The following PIK3C3 variants were observed in gnomAD, a reference collection of about 807,000 sequenced individuals.
The protein encoded by PIK3C3 is phosphatidylinositol 3-kinase catalytic subunit type 3, also known as PI3-kinase type 3.
A neutral mutation model predicts 126.1 loss-of-function variants in PIK3C3; 95 were observed. The ratio of observed to expected loss-of-function variants is 0.75; its 90% CI spans 0.64 to 0.89. The LOEUF is 0.89. Among genes scored for constraint, PIK3C3 ranks in the 40% least tolerant of loss-of-function variants. The pLI is 0.00. For synonymous variants in PIK3C3, 374 were observed against 360.0 expected (o/e 1.04, Z -0.44); for missense variants, 829 against 1,063.2 (o/e 0.78, Z 3.06).
rs1185331367 is a variant in PIK3C3, at chr18:41,987,828, G to A, written c.548G>A (p.Arg183Gln). Residue 183 changes from arginine to glutamine, a missense_variant, in exon 5 of 25, where the codon CGA becomes CAA. By Grantham distance (43) the Arg-to-Gln change is conservative. Transcript: ENST00000262039. Reference protein sequence around the residue: ...SRLAKLTKAHRQGHMVKVDWL... With the variant: ...SRLAKLTKAHQQGHMVKVDWL... Reference sequence around the variant, plus strand: ...ATTCTGCAGCTCACCAAAGCTCATCGACAAGGACACATGGTGAAAGTAGAT... The same window carrying A: ...ATTCTGCAGCTCACCAAAGCTCATCAACAAGGACACATGGTGAAAGTAGAT... 4.4e-6 allele frequency: 7 copies of A among 1,606,530 alleles called. No homozygotes were observed. The highest frequency in any genetic ancestry group is 1.3e-5 in the African/African-American group (1 of 74,634).
chr18:41,957,389 A>G (rs1979834709), intron 1 of PIK3C3, among the ~76,000 whole-genome samples, 181 bp from the exon 2 acceptor site: 1 of 152,228 alleles, frequency 6.6e-6, no homozygotes, highest in Non-Finnish European at 1.5e-5. Flanking sequence ...TAAAAATGAC[A>G]TTAATTTCAT....
intron 21 of PIK3C3, chr18:42,050,171 A>G (rs905947294): frequency 6.6e-6 from 1 of 152,254 alleles, no homozygotes; most frequent in Non-Finnish European, 1.5e-5. Flanking sequence ...TGGAAAGCCA[A>G]TAATGGATAC....
rs1986331924 is a variant in PIK3C3, at chr18:42,083,830, G to A, written c.*2693G>A. ...GGATTTGAAGTCGAGTTAGACCCCA[G>A]TGATCACAGTCTTGACGATTAAATT... On this transcript the variant is annotated 3_prime_UTR_variant, in exon 25 of 25. Transcript: ENST00000262039. The A allele has an allele frequency of 6.6e-6, 1 of 152,188 alleles. No individual in the cohort carries two copies. The highest frequency in any genetic ancestry group is 2.1e-4 in the South Asian group (1 of 4,836). 9.4% of individuals were successfully genotyped at this position (152,188 alleles called of 1,614,324 possible). A position where few individuals can be genotyped will look rare whatever the true frequency, so the allele number is the denominator to read the frequency against.
intron 6 of PIK3C3, among the ~76,000 whole-genome samples, 176 bp from the exon 7 acceptor site, chr18:41,993,094 G>A (rs1981857291): frequency 6.6e-6 from 1 of 152,046 alleles, no homozygotes; most frequent in African/African-American, 2.4e-5. Flanking sequence ...AATCAACCAA[G>A]GAGAGGTACA....
chr18:42,032,990 A>G (rs1200060827), intron 15 of PIK3C3, among the ~76,000 whole-genome samples: 1 of 152,134 alleles, frequency 6.6e-6, no homozygotes, highest in Non-Finnish European at 1.5e-5. Flanking sequence ...AGCAGCACAA[A>G]GCACTTCAAC....
intron 13 of PIK3C3, 106 bp downstream of exon 13, chr18:42,020,811 A>C (rs1598902793): frequency 1.5e-6 from 1 of 663,852 alleles, no homozygotes; most frequent in East Asian, 2.8e-5. Flanking sequence ...AGCAATCATC[A>C]AAAGTCTAGA....
chr18:41,965,048 A>G (rs1048456125), intron 3 of PIK3C3, among the ~76,000 whole-genome samples: 1 of 152,238 alleles, frequency 6.6e-6, no homozygotes, highest in African/African-American at 2.4e-5. Flanking sequence ...CAGAATGGAC[A>G]TATTGCTAAA....
chr18:42,036,027 A>C (rs1449320106), intron 16 of PIK3C3, among the ~76,000 whole-genome samples: 2 of 152,206 alleles, frequency 1.3e-5, no homozygotes, highest in African/African-American at 2.4e-5. Context: ...AAGAAATCAC[A>C]ACAAAGATTC....
chr18:41,965,285 T>C (rs1980299623), intron 3 of PIK3C3, among the ~76,000 whole-genome samples: 1 of 152,230 alleles, frequency 6.6e-6, no homozygotes, highest in African/African-American at 2.4e-5. Flanking sequence ...CCTGCGTTAG[T>C]ACTCATGCAT....
rs201418439 is a variant in PIK3C3, at chr18:42,029,385, C to T, written c.1651C>T (p.Arg551Trp). 2.1e-5 allele frequency: 34 copies of T among 1,613,490 alleles called. No individual in the cohort carries two copies. Among genetic ancestry groups the T allele is most frequent in the Admixed American group, 5.0e-5 (3 of 59,978 alleles). The part of the protein sequence containing the change: ...LLAAQQTFVD[R>W]LVHLMKAVQR... ...GGCTGCACAACAGACATTTGTAGAT[C>T]GGTTGGTGCATCTAATGAAGGCAGT... is the stretch of plus-strand genomic sequence containing the variant. The change falls in exon 15 of 25, where the codon CGG becomes TGG. Residue 551 changes from arginine (R) to tryptophan (W), a missense_variant. Physicochemically the swap from Arg to Trp is moderately radical, Grantham distance 101 (BLOSUM62 -3). This residue lies in a region of PIK3C3 where 256 missense variants were observed against 291.0 expected (regional missense o/e 0.88). Coordinates refer to ENST00000262039, the MANE Select transcript of PIK3C3 (RefSeq NM_002647.4).
In PIK3C3 at chr18:42,049,526, T is replaced by C. The variant is rs1459342103; in HGVS notation, c.2189-5T>C. On this transcript the variant is annotated splice_region_variant and splice_polypyrimidine_tract_variant and intron_variant, in intron 20 of 24. Coordinates refer to ENST00000262039, the MANE Select transcript of PIK3C3 (RefSeq NM_002647.4). ...TTCACATATTTTTTTTAACTGTTACTGCAGCTGGATATTGCGTGATCACCT... is the reference window on the plus strand; with the variant it reads ...TTCACATATTTTTTTTAACTGTTACCGCAGCTGGATATTGCGTGATCACCT... 1 of 1,610,476 alleles carries C rather than the reference T, an allele frequency of 6.2e-7. No individual in the cohort carries two copies. The highest frequency in any genetic ancestry group is 1.3e-5 in the African/African-American group (1 of 74,952).
At chr18:42,060,281 T>A (rs1985257187) in intron 22 of PIK3C3, among the ~76,000 whole-genome samples, 1 of 152,182 alleles carries the variant, frequency 6.6e-6, no homozygotes, top group African/African-American at 2.4e-5. Context: ...TGAATAACAT[T>A]GTACCACATA....
intron 22 of PIK3C3, among the ~76,000 whole-genome samples, chr18:42,060,350 T>A (rs898795492): frequency 1.3e-5 from 2 of 152,228 alleles, no homozygotes; most frequent in Non-Finnish European, 2.9e-5. Context: ...TATCATCTCT[T>A]ATTAATCAGT....
chr18:42,005,539 T>C (rs553178353), intron 10 of PIK3C3, among the ~76,000 whole-genome samples: 1 of 152,338 alleles, frequency 6.6e-6, no homozygotes, highest in Admixed American at 6.5e-5. Flanking sequence ...CAACTTGTTT[T>C]CTTAATTTTT....
intron 21 of PIK3C3, among the ~76,000 whole-genome samples, chr18:42,056,672 G>A (rs901118452): frequency 6.6e-6 from 1 of 152,088 alleles, no homozygotes; most frequent in Non-Finnish European, 1.5e-5. Flanking sequence ...TTCAAAATGA[G>A]AATAAAGTAC....
intron 24 of PIK3C3, among the ~76,000 whole-genome samples, chr18:42,072,372 CTTG>C (rs1209806704): frequency 6.6e-6 from 1 of 151,986 alleles, no homozygotes; most frequent in Admixed American, 6.6e-5. Flanking sequence ...GCTACAAAAG[CTTG>C]TTTTCTTTCA....
chr18:42,012,347 C>G (rs1203737405), intron 10 of PIK3C3, among the ~76,000 whole-genome samples: 1 of 152,082 alleles, frequency 6.6e-6, no homozygotes, highest in East Asian at 1.9e-4. Context: ...ATAGTTGTTA[C>G]AAATAGGAAA....
chr18:42,007,664 G>A (rs900376927), intron 10 of PIK3C3, among the ~76,000 whole-genome samples: 6 of 151,988 alleles, frequency 3.9e-5, no homozygotes, highest in Non-Finnish European at 7.4e-5. Flanking sequence ...TAGTTAAAAG[G>A]AAAACTGTTT....
At chr18:42,079,007 C>T (rs560499896) in intron 24 of PIK3C3, among the ~76,000 whole-genome samples, 4 of 152,342 alleles carry the variant, frequency 2.6e-5, no homozygotes, top group African/African-American at 9.6e-5. Context: ...AGCTGTTTTG[C>T]TCTCATCATT....
Sources: gnomAD v4.1 joint callset for allele counts (sites outside exome capture counted in the v4.1 genomes callset) on GRCh38, gnomAD v4.1.1 for gene constraint, gnomAD v4.1.1 regional missense constraint, MANE v1.5 for transcripts, NCBI Gene and HGNC (gene_info 2026-07-23, HGNC 2026-07-21) for gene names.